The following SEC31A variants were observed in gnomAD, a reference collection of about 807,000 sequenced individuals.
SEC31A encodes SEC31 homolog A, COPII component.
In SEC31A, 70 loss-of-function variants were observed where a neutral mutation model predicts 151.0. The ratio of observed to expected loss-of-function variants is 0.46; its 90% CI spans 0.38 to 0.57. SEC31A has a LOEUF of 0.57. Among genes scored for constraint, SEC31A ranks in the 20% least tolerant of loss-of-function variants. The probability of loss-of-function intolerance (pLI) is 0.00; values close to 1 mark genes in which losing one functional copy is unlikely to be tolerated. For synonymous variants in SEC31A, 475 were observed against 505.9 expected (o/e 0.94, Z 0.82); for missense variants, 1,330 against 1,471.2 (o/e 0.90, Z 1.57).
intron 22 of SEC31A, chr4:82,829,274 C>CT (rs1725359192): frequency 4.4e-6 from 2 of 454,188 alleles, no homozygotes; most frequent in African/African-American, 1.9e-5. Flanking sequence ...GGTAAGATAT[C>CT]TTGACACTGT....
chr4:82,848,833 TTG>T lies in SEC31A; in HGVS notation c.2471_2472del (p.Pro824GlnfsTer26). On this transcript the variant is annotated frameshift_variant, in exon 20 of 27. Transcript: ENST00000395310. LOFTEE classifies it high-confidence loss of function. ...GGATAATATTGTTGAGTTTGAACTC[TTG>T]GCATCTGGTGGTGGCCAGCAACTGG... The part of the protein sequence containing the change: ...PGPVAGHHQM[P>X]RVQTQQYYPH... 6.2e-7 allele frequency: 1 copy of T among 1,613,954 alleles called. No homozygotes were observed. The highest frequency in any genetic ancestry group is 8.5e-7 in the Non-Finnish European group (1 of 1,179,954).
chr4:82,841,330 G>A (rs1728671753), intron 22 of SEC31A, among the ~76,000 whole-genome samples: 1 of 151,162 alleles, frequency 6.6e-6, no homozygotes, highest in South Asian at 2.1e-4. Flanking sequence ...GGCTGAGACA[G>A]GAGAATCGCT....
At chr4:82,882,551 G>C (rs555898211) in intron 1 of SEC31A, among the ~76,000 whole-genome samples, 1 of 151,722 alleles carries the variant, frequency 6.6e-6, no homozygotes, top group Non-Finnish European at 1.5e-5. Flanking sequence ...AGTACCTGAA[G>C]AATTAACTTT....
intron 8 of SEC31A, among the ~76,000 whole-genome samples, chr4:82,867,556 A>G (rs531358746): frequency 9.2e-5 from 14 of 152,350 alleles, no homozygotes; most frequent in African/African-American, 2.9e-4. Context: ...GAATAAACGC[A>G]TTTTAAAAAC....
At chr4:82,842,584 CA>C (rs1286189534) in intron 21 of SEC31A, 103 bp from the exon 22 acceptor site, 7 of 895,126 alleles carry the variant, frequency 7.8e-6, no homozygotes, top group Admixed American at 3.0e-5. Flanking sequence ...TGATTTTAAT[CA>C]AAATAAGTTA....
intron 19 of SEC31A, among the ~76,000 whole-genome samples, chr4:82,850,218 A>C (rs1578224140): frequency 6.6e-6 from 1 of 152,310 alleles, no homozygotes; most frequent in East Asian, 1.9e-4. Flanking sequence ...AAAGCAAATT[A>C]GTCTTAAGAT....
chr4:82,880,599 AAG>A, intron 3 of SEC31A, 198 bp downstream of exon 3: 1 of 450,396 alleles, frequency 2.2e-6, no homozygotes, highest in Non-Finnish European at 3.8e-6. Flanking sequence ...AAAAAAAAAA[AAG>A]AAAAAAAAAA....
At chr4:82,899,613 G>A (rs1720221014) in intron 3 of SEC31A, 1 of 152,520 alleles carries the variant, frequency 6.6e-6, no homozygotes, top group Non-Finnish European at 1.5e-5. Context: ...TCTATCCTTA[G>A]GCCATGTGAC....
chr4:82,886,740 G>T (rs1328470948), intron 1 of SEC31A, among the ~76,000 whole-genome samples: 1 of 152,096 alleles, frequency 6.6e-6, no homozygotes, highest in Non-Finnish European at 1.5e-5. Flanking sequence ...CGACAAGTTT[G>T]TACTTGTCAA....
At chr4:82,820,862 G>A (rs757426834) in intron 26 of SEC31A, among the ~76,000 whole-genome samples, 175 bp downstream of exon 26, 8 of 151,816 alleles carry the variant, frequency 5.3e-5, no homozygotes, top group South Asian at 2.1e-4. Flanking sequence ...ACACACACCC[G>A]TATCCCCTTA....
chr4:82,844,350 A>G, intron 21 of SEC31A, 36 bp downstream of exon 21: 1 of 1,601,144 alleles, frequency 6.2e-7, no homozygotes, highest in Non-Finnish European at 8.5e-7. Context: ...GATCATAAAT[A>G]CTGCTCTGAA....
rs1450365245 is a variant in SEC31A at position 82,853,706 on chromosome 4, C to T, written c.2018G>A (p.Gly673Glu). The T allele has an allele frequency of 1.2e-6, 2 of 1,602,742 alleles. No homozygotes were observed. The highest frequency in any genetic ancestry group is 1.7e-6 in the Non-Finnish European group (2 of 1,177,120). Residue 673 changes from glycine (G) to glutamate (E), a missense_variant, in exon 18 of 27, where the codon GGA (glycine) becomes GAA (glutamate). Physicochemically the swap from Gly to Glu is moderately conservative, Grantham distance 98 (BLOSUM62 -2). Coordinates refer to ENST00000395310, the MANE Select transcript of SEC31A (RefSeq NM_001077207.4). ...DEFSALCDLL[G>E]TRLENEGDSL... is the part of the protein sequence containing the mutation. Reference sequence around the variant, plus strand: ...ATCTCCTTCATTTTCAAGCCTGGTTCCCAAAAGATCTGTAAGTAAGAGGAA... The same window carrying T: ...ATCTCCTTCATTTTCAAGCCTGGTTTCCAAAAGATCTGTAAGTAAGAGGAA...
In SEC31A at chr4:82,879,953, T is replaced by C. The variant is rs115260547; in HGVS notation, c.203+846A>G. Among the ~76,000 whole-genome samples the C allele has an allele frequency of 6.3e-3, 961 of 152,282 alleles. 9 individuals are homozygous for C. Among genetic ancestry groups the C allele is most frequent in the African/African-American group, 0.022 (911 of 41,562 alleles). On this transcript the variant is annotated intron_variant, in intron 3 of 26. Transcript: ENST00000395310. ...AGATAATCACTATTAATACTTACGA[T>C]GACTACTCCTTTTCTAGTCACATCT...
intron 14 of SEC31A, among the ~76,000 whole-genome samples, chr4:82,858,302 T>C (rs1733165545): frequency 6.6e-6 from 1 of 151,732 alleles, no homozygotes; most frequent in Non-Finnish European, 1.5e-5. Context: ...TCACAGCACT[T>C]TGGGAGGCCG....
chr4:82,820,960 G>A, intron 26 of SEC31A, 77 bp downstream of exon 26: 3 of 1,203,098 alleles, frequency 2.5e-6, no homozygotes, highest in South Asian at 1.2e-5. Context: ...TACTAAATGG[G>A]AGTGCTGATA....
intron 9 of SEC31A, 69 bp from the exon 10 acceptor site, chr4:82,867,029 A>C: frequency 6.4e-7 from 1 of 1,565,910 alleles, no homozygotes. Flanking sequence ...AGTCATATCC[A>C]AAAAAATTTT....
In SEC31A at chr4:82,846,366, C is replaced by CATCATAATAATAATAATA. The variant is rs1553928443; in HGVS notation, c.2503-1858_2503-1857insTATTATTATTATTATGAT. 4.2e-3 allele frequency among the ~76,000 whole-genome samples: 588 copies of CATCATAATAATAATAATA among 140,530 alleles called. 6 individuals are homozygous for CATCATAATAATAATAATA. Among genetic ancestry groups the CATCATAATAATAATAATA allele is most frequent in the African/African-American group, 0.014 (548 of 38,380 alleles). The allele number at this position is 140,530 out of a possible 152,430, so 92.2% of individuals were successfully genotyped here. A position where few individuals can be genotyped will look rare whatever the true frequency, so the allele number is the denominator to read the frequency against. ...GTAAATCTTTGCAGAAACTCCAAAA[C>CATCATAATAATAATAATA]ATAATAATAATAATAATAATAATAA... On this transcript the variant is annotated intron_variant, in intron 20 of 26. Transcript: ENST00000395310.
intron 22 of SEC31A, among the ~76,000 whole-genome samples, chr4:82,836,081 C>T (rs915555792): frequency 6.6e-6 from 1 of 151,922 alleles, no homozygotes; most frequent in Non-Finnish European, 1.5e-5. Flanking sequence ...TAGGTATATA[C>T]ACTAAAAAAT....
At chr4:82,823,482 G>A (rs571610158) in intron 25 of SEC31A, among the ~76,000 whole-genome samples, 1 of 152,204 alleles carries the variant, frequency 6.6e-6, no homozygotes, top group Admixed American at 6.5e-5. Flanking sequence ...TTTCCACAAA[G>A]CCACTGACCA....
Sources: allele counts gnomAD v4.1 joint callset (sites outside exome capture counted in the v4.1 genomes callset), GRCh38; gene constraint gnomAD v4.1.1; transcripts MANE v1.5; gene names NCBI Gene and HGNC (gene_info 2026-07-23, HGNC 2026-07-21).